The following PCDH9 variants were observed in gnomAD, a reference collection of about 807,000 sequenced individuals.
PCDH9 encodes the protein protocadherin-9.
In PCDH9, 24 loss-of-function variants were observed where a neutral mutation model predicts 70.6. The observed-to-expected ratio is 0.34, with a 90% CI of 0.25 to 0.48. PCDH9 has a LOEUF of 0.48. PCDH9 is among the 20% of genes least tolerant of loss of function. The pLI, the probability that PCDH9 is intolerant of heterozygous loss-of-function variation, is 0.99. For synonymous variants in PCDH9, 562 were observed against 558.5 expected (o/e 1.01, Z -0.09); for missense variants, 1,281 against 1,503.6 (o/e 0.85, Z 2.45).
chr13:67,175,101 A>G, intron 2 of PCDH9, among the ~76,000 whole-genome samples: 1 of 151,970 alleles, frequency 6.6e-6, no homozygotes, highest in Non-Finnish European at 1.5e-5. Context: ...ATGCCACCAC[A>G]CTCCAGCCTG....
intron 3 of PCDH9, among the ~76,000 whole-genome samples, chr13:66,725,636 T>C (rs1391396920): frequency 6.6e-6 from 1 of 152,200 alleles, no homozygotes; most frequent in East Asian, 1.9e-4. Context: ...GAGAGTATAA[T>C]CATAACTTTA....
chr13:67,158,975 G>A (rs1442548857), intron 2 of PCDH9, among the ~76,000 whole-genome samples: 1 of 152,058 alleles, frequency 6.6e-6, no homozygotes, highest in Non-Finnish European at 1.5e-5. Context: ...CTCCAAATGA[G>A]GTAGGGTATC....
In PCDH9 at chr13:67,227,946, T is replaced by C; in HGVS notation, c.495A>G (p.Ser165=). 1 of 1,614,162 alleles carries C rather than the reference T, an allele frequency of 6.2e-7. No homozygotes were observed. Among genetic ancestry groups the C allele is most frequent in the Non-Finnish European group, 8.5e-7 (1 of 1,180,038 alleles). ...TLINSRFPIP[S]ATDPDTGFNG... ...TGAAGCCTGTGTCAGGATCTGTTGC[T>C]GATGGAATTGGAAAGCGGCTGTTGA... is the stretch of plus-strand genomic sequence containing the variant. The change falls in exon 2 of 5, where the codon TCA becomes TCG. Residue 165 remains serine (S), a synonymous_variant. Coordinates refer to ENST00000377865, the MANE Select transcript of PCDH9 (RefSeq NM_203487.3). This position sits in a 1 kb window ranked among gnomAD's most constrained non-coding sequence, Gnocchi z 4.6.
At chr13:66,916,015 T>A (rs531825261) in intron 2 of PCDH9, among the ~76,000 whole-genome samples, 4 of 151,646 alleles carry the variant, frequency 2.6e-5, no homozygotes, top group African/African-American at 9.6e-5. Context: ...GAAAGGGGCA[T>A]TACAGATTTT....
chr13:66,497,093 G>A (rs1436935893), intron 4 of PCDH9, among the ~76,000 whole-genome samples: 1 of 151,188 alleles, frequency 6.6e-6, no homozygotes, highest in African/African-American at 2.4e-5. Context: ...TTTTAGACGG[G>A]TCCTTGCTCT....
chr13:66,730,897 T>G (rs866928486), intron 3 of PCDH9, among the ~76,000 whole-genome samples: 21,984 of 128,900 alleles, frequency 0.17, 1,752 homozygotes, highest in Middle Eastern at 0.26. Flanking sequence ...GTTTGTTTCT[T>G]TTTTTTTGTG....
intron 2 of PCDH9, among the ~76,000 whole-genome samples, chr13:67,095,326 G>T (rs954837906): frequency 3.3e-5 from 5 of 151,956 alleles, no homozygotes; most frequent in Non-Finnish European, 5.9e-5. Context: ...TGAACTCTAG[G>T]TTATTACATT....
At chr13:66,423,605 A>G (rs1441387363) in intron 4 of PCDH9, among the ~76,000 whole-genome samples, 1 of 152,204 alleles carries the variant, frequency 6.6e-6, no homozygotes, top group Non-Finnish European at 1.5e-5. Context: ...GATGTAGAAA[A>G]GGCCATTGAT....
At chr13:66,398,774 C>T (rs1244456532) in intron 4 of PCDH9, among the ~76,000 whole-genome samples, 1 of 152,160 alleles carries the variant, frequency 6.6e-6, no homozygotes, top group Non-Finnish European at 1.5e-5. Flanking sequence ...TGATTTTCAT[C>T]TACTGAACAC....
At chr13:66,609,392 G>A (rs2077263144) in intron 4 of PCDH9, among the ~76,000 whole-genome samples, 1 of 151,820 alleles carries the variant, frequency 6.6e-6, no homozygotes, top group African/African-American at 2.4e-5. Flanking sequence ...TTTATTACAT[G>A]GTTATCTCCT....
chr13:67,176,888 T>C (rs1448537442), intron 2 of PCDH9, among the ~76,000 whole-genome samples: 1 of 152,120 alleles, frequency 6.6e-6, no homozygotes, highest in African/African-American at 2.4e-5. Flanking sequence ...TACAAAATAA[T>C]TAAGAATATA....
chr13:66,442,697 G>A (rs372185814), intron 4 of PCDH9, among the ~76,000 whole-genome samples: 9 of 151,530 alleles, frequency 5.9e-5, no homozygotes, highest in African/African-American at 1.7e-4. Context: ...AAATTATTTC[G>A]GTGTGAACTT....
intron 4 of PCDH9, among the ~76,000 whole-genome samples, chr13:66,520,364 T>A (rs1655381241): frequency 6.6e-6 from 1 of 152,156 alleles, no homozygotes. Context: ...AAACAGTGAT[T>A]CAGATTTGAA....
intron 2 of PCDH9, among the ~76,000 whole-genome samples, chr13:67,117,624 A>G (rs1300521041): frequency 1.3e-5 from 2 of 152,168 alleles, no homozygotes; most frequent in Admixed American, 1.3e-4. Context: ...AATGTTGTCT[A>G]TGTACCCATG....
chr13:66,823,625 T>C (rs1228926666), intron 3 of PCDH9, among the ~76,000 whole-genome samples: 1 of 152,078 alleles, frequency 6.6e-6, no homozygotes, highest in Non-Finnish European at 1.5e-5. Context: ...TAATTGTGAA[T>C]GATAATGTAT....
chr13:66,968,721 T>A (rs368880444), intron 2 of PCDH9, among the ~76,000 whole-genome samples: 5 of 152,034 alleles, frequency 3.3e-5, no homozygotes, highest in African/African-American at 1.2e-4. Flanking sequence ...CAAGTACAAA[T>A]GCCCATATCA....
intron 4 of PCDH9, among the ~76,000 whole-genome samples, chr13:66,593,256 T>G (rs1312313392): frequency 6.6e-6 from 1 of 151,760 alleles, no homozygotes; most frequent in Non-Finnish European, 1.5e-5. Flanking sequence ...GCAAGGCAAT[T>G]TTAATGGTGT....
chr13:66,533,720 A>G (rs1043296185), intron 4 of PCDH9, among the ~76,000 whole-genome samples: 1 of 152,150 alleles, frequency 6.6e-6, no homozygotes, highest in Admixed American at 6.6e-5. Flanking sequence ...TTATATTTAC[A>G]TCTACATCTA....
At chr13:66,535,312 A>C (rs1395404433) in intron 4 of PCDH9, among the ~76,000 whole-genome samples, 1 of 152,104 alleles carries the variant, frequency 6.6e-6, no homozygotes, top group African/African-American at 2.4e-5. Context: ...ATACAGGAAT[A>C]AAATGTTCTC....
Sources: allele counts gnomAD v4.1 joint callset (sites outside exome capture counted in the v4.1 genomes callset), GRCh38; gene constraint gnomAD v4.1.1; non-coding constraint Gnocchi (gnomAD v3.1); transcripts MANE v1.5; gene names NCBI Gene and HGNC (gene_info 2026-07-23, HGNC 2026-07-21).